Variants in GNG12 observed in about 807,000 individuals in gnomAD.
The protein encoded by GNG12 is G protein subunit gamma 12.
For missense variants in GNG12, 69 were observed against 83.8 expected (o/e 0.82, Z 0.69); for synonymous variants, 28 against 29.7 (o/e 0.94, Z 0.19).
chr1:67,811,995 A>G (rs1353448001), intron 1 of GNG12, among the ~76,000 whole-genome samples: 1 of 152,208 alleles, frequency 6.6e-6, no homozygotes, highest in Non-Finnish European at 1.5e-5. Flanking sequence ...AGGAAAATCA[A>G]GATAGACAGT....
intron 1 of GNG12, among the ~76,000 whole-genome samples, chr1:67,805,507 A>G (rs1465456573): frequency 1.3e-5 from 2 of 152,218 alleles, no homozygotes; most frequent in African/African-American, 2.4e-5. Flanking sequence ...ATTTTAAAAG[A>G]CAGAAATAAA....
At chr1:67,753,981 C>T (rs765348432) in intron 2 of GNG12, among the ~76,000 whole-genome samples, 3 of 152,184 alleles carry the variant, frequency 2.0e-5, no homozygotes, top group South Asian at 2.1e-4. Context: ...CTGCCCTACA[C>T]GGGCTGCTGT....
At chr1:67,729,450 C>G (rs3753366) in intron 2 of GNG12, among the ~76,000 whole-genome samples, 29,846 of 152,158 alleles carry the variant, frequency 0.2, 3,267 homozygotes, top group African/African-American at 0.28. Flanking sequence ...AACTTTAGTT[C>G]TGTTTCTGAG....
chr1:67,811,362 T>G (rs75931382), intron 1 of GNG12, among the ~76,000 whole-genome samples: 2,408 of 152,212 alleles, frequency 0.016, 70 homozygotes, highest in African/African-American at 0.054. Context: ...CTTTGGCCAT[T>G]AGAGATACTA....
chr1:67,719,990 G>A (rs1250123665), intron 2 of GNG12, among the ~76,000 whole-genome samples: 3 of 152,182 alleles, frequency 2.0e-5, no homozygotes, highest in East Asian at 1.9e-4. Flanking sequence ...GGGTGTTTGC[G>A]TGCCCAGTGT....
At chr1:67,729,710 T>C (rs1646408180) in intron 2 of GNG12, among the ~76,000 whole-genome samples, 1 of 152,032 alleles carries the variant, frequency 6.6e-6, no homozygotes, top group African/African-American at 2.4e-5. Flanking sequence ...CTGTTGGAGG[T>C]TGTGTGGGAA....
intron 2 of GNG12, among the ~76,000 whole-genome samples, chr1:67,714,009 A>G (rs1465907105): frequency 6.6e-6 from 1 of 152,170 alleles, no homozygotes; most frequent in East Asian, 1.9e-4. Context: ...TAGTTCCTCT[A>G]TTTTCATGAG....
At chr1:67,825,071 A>G (rs1478163386) in intron 1 of GNG12, among the ~76,000 whole-genome samples, 1 of 152,252 alleles carries the variant, frequency 6.6e-6, no homozygotes, top group Non-Finnish European at 1.5e-5. Flanking sequence ...AGGGCAAGGC[A>G]TGTGCTGGAA....
chr1:67,707,322 C>T (rs1023451222), intron 3 of GNG12, among the ~76,000 whole-genome samples: 1 of 152,192 alleles, frequency 6.6e-6, no homozygotes, highest in Admixed American at 6.5e-5. Context: ...CAGGGATCAA[C>T]GGACTTGACC....
intron 1 of GNG12, among the ~76,000 whole-genome samples, chr1:67,794,790 C>T (rs1327850527): frequency 1.3e-5 from 2 of 152,236 alleles, no homozygotes; most frequent in Non-Finnish European, 2.9e-5. Flanking sequence ...CTTGCTCCAG[C>T]TATATTTATA....
At position 67,703,038 on chromosome 1, in the gene GNG12, A is replaced by G. The variant is rs11544220; in HGVS notation, c.*2413T>C. 2 of 152,196 alleles carry G rather than the reference A, an allele frequency of 1.3e-5. No homozygotes were observed. The highest frequency in any genetic ancestry group is 4.8e-5 in the African/African-American group (2 of 41,460). 9.4% of individuals were successfully genotyped at this position (152,196 alleles called of 1,614,324 possible). A position where few individuals can be genotyped will look rare whatever the true frequency, so the allele number is the denominator to read the frequency against. On this transcript the variant is annotated 3_prime_UTR_variant, in exon 4 of 4. Transcript: ENST00000370982. ...ATAAAAAAAGTGACTTCTGCATATC[A>G]TATATATGTATACATATATTTTCTC...
At chr1:67,757,334 T>A (rs146900358) in intron 2 of GNG12, among the ~76,000 whole-genome samples, 6 of 152,308 alleles carry the variant, frequency 3.9e-5, no homozygotes, top group East Asian at 1.9e-4. Context: ...GGATTTCAGA[T>A]TCCTGGATTA....
At chr1:67,739,619 T>G (rs1646471655) in intron 2 of GNG12, among the ~76,000 whole-genome samples, 2 of 152,222 alleles carry the variant, frequency 1.3e-5, no homozygotes, top group African/African-American at 4.8e-5. Flanking sequence ...AGGAAGAGCC[T>G]GCGTCAAAGC....
chr1:67,780,595 A>G (rs1182770420), intron 1 of GNG12, among the ~76,000 whole-genome samples: 2 of 152,234 alleles, frequency 1.3e-5, no homozygotes, highest in East Asian at 3.8e-4. Flanking sequence ...TTGAAAGGAT[A>G]GGAGCCAAGG....
chr1:67,826,693 G>T (rs1427207021), intron 1 of GNG12, among the ~76,000 whole-genome samples: 1 of 152,132 alleles, frequency 6.6e-6, no homozygotes, highest in African/African-American at 2.4e-5. Context: ...TCTCAATAAG[G>T]TCTTCAATAA....
intron 2 of GNG12, among the ~76,000 whole-genome samples, chr1:67,715,988 C>T (rs1449374481): frequency 6.6e-6 from 1 of 152,070 alleles, no homozygotes; most frequent in Non-Finnish European, 1.5e-5. Flanking sequence ...GTTATGAGGC[C>T]AGGGTGCTTG....
intron 3 of GNG12, 37 bp from the exon 4 acceptor site, chr1:67,705,613 A>G: frequency 6.3e-7 from 1 of 1,589,248 alleles, no homozygotes; most frequent in Non-Finnish European, 8.5e-7. Context: ...AAGAAAGAAA[A>G]TATTTTACTT....
chr1:67,813,662 A>T (rs545945750), intron 1 of GNG12, among the ~76,000 whole-genome samples: 1 of 148,478 alleles, frequency 6.7e-6, no homozygotes, highest in East Asian at 2.0e-4. Context: ...ACCATACTGT[A>T]GAATATAAAC....
chr1:67,815,471 G>A lies in GNG12; in HGVS notation c.-77+17873C>T, dbSNP rs868618276. On this transcript the variant is annotated intron_variant, in intron 1 of 3. Transcript: ENST00000370982. ...CTCAAGAAAACTTTCCATGAAACACGACTTGCCAGGACAAGGCCTTGCGGA... is the reference window on the plus strand; with the variant it reads ...CTCAAGAAAACTTTCCATGAAACACAACTTGCCAGGACAAGGCCTTGCGGA... 5.3e-5 allele frequency among the ~76,000 whole-genome samples: 8 copies of A among 152,100 alleles called. No homozygotes were observed. The East Asian group carries it at 5.8e-4, about 11-fold the overall frequency.
Sources: allele counts gnomAD v4.1 joint callset (sites outside exome capture counted in the v4.1 genomes callset), GRCh38; gene constraint gnomAD v4.1.1; transcripts MANE v1.5; gene names NCBI Gene and HGNC (gene_info 2026-07-23, HGNC 2026-07-21).